Variants in OPLAH observed in about 807,000 individuals in gnomAD.
The protein encoded by OPLAH is 5-oxoprolinase.
In OPLAH, 103 loss-of-function variants were observed where a neutral mutation model predicts 122.8. The observed-to-expected ratio is 0.84, with a 90% CI of 0.71 to 0.99. The LOEUF (loss-of-function observed/expected upper bound fraction) is 0.99, where lower values mean the gene tolerates loss of function less well. OPLAH is among the 50% of genes least tolerant of loss of function. The pLI, the probability that OPLAH is intolerant of heterozygous loss-of-function variation, is 0.00. For missense variants in OPLAH, 1,902 were observed against 1,836.5 expected, an observed-to-expected ratio of 1.04 and a Z score of -0.65; for synonymous variants, 875 against 796.0, an observed-to-expected ratio of 1.10 and a Z score of -1.67.
At chr8:144,060,161 G>T (rs924101217) in intron 1 of OPLAH, 76 bp from the exon 2 acceptor site, 2 of 1,066,006 alleles carry the variant, frequency 1.9e-6, no homozygotes, top group Non-Finnish European at 2.6e-6. Flanking sequence ...CATGCGGGGG[G>T]TTCCTGAGGG....
chr8:144,055,876 G>A lies in OPLAH; in HGVS notation c.2160C>T (p.Ser720=), dbSNP rs373638784. 1.9e-4 allele frequency: 303 copies of A among 1,583,898 alleles called. 1 individual carries two copies. Among genetic ancestry groups the A allele is most frequent in the Non-Finnish European group, 2.2e-4 (262 of 1,165,518 alleles). Residue 720 remains serine, a synonymous_variant, in exon 16 of 27, where the codon TCC becomes TCT. Transcript: ENST00000618853. The surrounding 1 kb of genome is among the most constrained non-coding windows in gnomAD (Gnocchi z 6.5). ...CTGTGCCGGGGACTTCGGCCCCCAC[G>A]GAGATGCAGATGTCCCCTGTCTTGG... The part of the protein sequence containing the change: ...EVTKTGDICI[S]VGAEVPGTVG...
intron 1 of OPLAH, among the ~76,000 whole-genome samples, chr8:144,060,345 G>A (rs912269238): frequency 1.3e-5 from 2 of 152,236 alleles, no homozygotes; most frequent in Non-Finnish European, 2.9e-5. Flanking sequence ...GAGCAGGCAC[G>A]GGAGGTGGGG....
rs2129851622 is a variant in OPLAH, at chr8:144,060,090, A to G, written c.-53-5T>C. 3 of 1,556,000 alleles carry G rather than the reference A, an allele frequency of 1.9e-6. No homozygotes were observed. The highest frequency in any genetic ancestry group is 2.3e-5 in the South Asian group (2 of 85,258). ...CAGCTGGTAGCCCTGGAAAAACTGG[A>G]CGGAGGCGGGGTCAGCCCGGGCTCA... On this transcript the variant is annotated splice_region_variant and splice_polypyrimidine_tract_variant and intron_variant, in intron 1 of 26. Coordinates refer to ENST00000618853, the MANE Select transcript of OPLAH (RefSeq NM_017570.5).
In OPLAH at chr8:144,052,612, G is replaced by A. The variant is rs558106669; in HGVS notation, c.3154-14C>T. 3 of 1,583,662 alleles carry A rather than the reference G, an allele frequency of 1.9e-6. No individual in the cohort carries two copies. The highest frequency in any genetic ancestry group is 2.3e-5 in the South Asian group (2 of 88,598). Reference sequence around the variant, plus strand: ...CGCCAGGCAGCCCTGTGCGGGGCGGGCGGCTCTCAGGAGCTCTTGGGGTGG... The same window carrying A: ...CGCCAGGCAGCCCTGTGCGGGGCGGACGGCTCTCAGGAGCTCTTGGGGTGG... On this transcript the variant is annotated splice_polypyrimidine_tract_variant and intron_variant, in intron 22 of 26. Transcript: ENST00000618853.
intron 19 of OPLAH, among the ~76,000 whole-genome samples, chr8:144,054,196 C>A (rs1835454031): frequency 6.6e-6 from 1 of 151,950 alleles, no homozygotes; most frequent in Non-Finnish European, 1.5e-5. Context: ...TCTACAGGGG[C>A]CTTTGGGCCC....
chr8:144,050,429 G>A, downstream of OPLAH: 1 of 985,664 alleles, frequency 1.0e-6, no homozygotes, highest in Non-Finnish European at 1.2e-6. Context: ...GTGCTCCTGG[G>A]CGACCTAAAC....
upstream of OPLAH, among the ~76,000 whole-genome samples, chr8:144,061,794 G>A (rs11996522): frequency 0.14 from 20,942 of 152,184 alleles, 2,368 homozygotes; most frequent in African/African-American, 0.31. Context: ...AGACCGAGGC[G>A]TGTGGATCAT....
intron 3 of OPLAH, among the ~76,000 whole-genome samples, 152 bp from the exon 4 acceptor site, chr8:144,059,231 C>G (rs1446773398): frequency 2.0e-5 from 3 of 152,192 alleles, no homozygotes; most frequent in African/African-American, 7.2e-5. Flanking sequence ...CAAGGCTCAC[C>G]AAGGGGGCAG....
chr8:144,053,051 C>A lies in OPLAH; in HGVS notation c.2950G>T (p.Val984Leu). ...TCGTCCATGTGGTCTTCCGAGGACA[C>A]CTCCAGGGGCAGGCCCCGGGCCTGC... ...SRQARGLPLE[V>L]SSEDHMDDGS... Residue 984 changes from valine to leucine, a missense_variant, in exon 21 of 27, where the codon GTG (valine) becomes TTG (leucine). This residue lies in a region of OPLAH where 1,726 missense variants were observed against 1,642.1 expected (regional missense o/e 1.05). Coordinates refer to ENST00000618853, the MANE Select transcript of OPLAH (RefSeq NM_017570.5). 6.2e-7 allele frequency: 1 copy of A among 1,602,784 alleles called. No homozygotes were observed. The highest frequency in any genetic ancestry group is 8.5e-7 in the Non-Finnish European group (1 of 1,175,866).
Position 144,055,177 on chromosome 8 carries a change from C to G in OPLAH, c.2261G>C (p.Arg754Pro). ...GGAGATGGCTGTGCGCTGCAGGATG[C>G]GGCCCATCTGCTCTAGGAGCACAAA... ...RFMSIAEQMG[R>P]ILQRTAISTN... The change falls in exon 17 of 27, where the codon CGC becomes CCC. Residue 754 changes from arginine to proline, a missense_variant. Transcript: ENST00000618853. The surrounding 1 kb of genome is among the most constrained non-coding windows in gnomAD (Gnocchi z 6.5). 1 of 1,541,188 alleles carries G rather than the reference C, an allele frequency of 6.5e-7. No homozygotes were observed. The highest frequency in any genetic ancestry group is 8.7e-7 in the Non-Finnish European group (1 of 1,145,906).
At position 144,053,051 on chromosome 8, in the gene OPLAH, C is replaced by T; in HGVS notation, c.2950G>A (p.Val984Met). Reference protein sequence around the residue: ...SRQARGLPLEVSSEDHMDDGS... With the variant: ...SRQARGLPLEMSSEDHMDDGS... ...TCGTCCATGTGGTCTTCCGAGGACA[C>T]CTCCAGGGGCAGGCCCCGGGCCTGC... The change falls in exon 21 of 27, where the codon GTG (valine) becomes ATG (methionine). Residue 984 changes from valine (V) to methionine (M), a missense_variant. Physicochemically the swap from Val to Met is conservative, Grantham distance 21 (BLOSUM62 1). Around this residue, in one of 3 missense-constraint regions of OPLAH, gnomAD observed 1,726 missense variants for 1,642.1 expected, o/e 1.05. Coordinates refer to ENST00000618853, the MANE Select transcript of OPLAH (RefSeq NM_017570.5). The T allele has an allele frequency of 6.2e-7, 1 of 1,602,784 alleles. No individual in the cohort carries two copies. The highest frequency in any genetic ancestry group is 8.5e-7 in the Non-Finnish European group (1 of 1,175,866).
At position 144,051,303 on chromosome 8, in the gene OPLAH, A is replaced by C. The variant is rs782456216; in HGVS notation, c.*23T>G. ...CTGCGTCCCCAGAACCGGGAGACTT[A>C]AGGCATCTTTATTGCGGGATCCTCA... is the stretch of plus-strand genomic sequence containing the variant. On this transcript the variant is annotated 3_prime_UTR_variant, in exon 27 of 27. Transcript: ENST00000618853. 1 of 1,609,872 alleles carries C rather than the reference A, an allele frequency of 6.2e-7. No homozygotes were observed. The highest frequency in any genetic ancestry group is 1.1e-5 in the South Asian group (1 of 90,998).
chr8:144,057,408 G>A (rs1554759553), intron 10 of OPLAH, 40 bp downstream of exon 10: 3 of 1,589,634 alleles, frequency 1.9e-6, no homozygotes, highest in African/African-American at 1.3e-5. Context: ...AGGGAGCAGG[G>A]CTGGGGGCAG....
downstream of OPLAH, chr8:144,050,929 GC>G: frequency 2.0e-6 from 2 of 1,018,888 alleles, no homozygotes; most frequent in South Asian, 3.9e-5. Flanking sequence ...TGATGACACC[GC>G]CCCCCTACCA....
downstream of OPLAH, chr8:144,050,816 T>G: frequency 2.0e-6 from 2 of 989,830 alleles, no homozygotes; most frequent in Non-Finnish European, 2.4e-6. Context: ...AGCACCTCCG[T>G]GCTCCACCAG....
Position 144,055,589 on chromosome 8 carries a change from C to T in OPLAH, c.2248+199G>A, listed in dbSNP as rs558815664. Among the ~76,000 whole-genome samples the T allele has an allele frequency of 2.0e-5, 3 of 152,280 alleles. No homozygotes were observed. Among genetic ancestry groups the T allele is most frequent in the South Asian group, 2.1e-4 (1 of 4,832 alleles). ...GGGCACTCTCTGGATCACATGGCTG[C>T]AGGTAAGGGGGGAAGGTGTCCTCCC... is the stretch of plus-strand genomic sequence containing the variant. On this transcript the variant is annotated intron_variant, in intron 16 of 26. Transcript: ENST00000618853. This position sits in a 1 kb window ranked among gnomAD's most constrained non-coding sequence, Gnocchi z 6.5.
intron 14 of OPLAH, 33 bp downstream of exon 14, chr8:144,056,352 T>G (rs1835513754): frequency 1.3e-6 from 2 of 1,595,478 alleles, no homozygotes; most frequent in African/African-American, 1.3e-5. Context: ...GCCCCATGGG[T>G]GCTGTCAGGC....
At chr8:144,059,527 T>A (rs1835615493) in intron 3 of OPLAH, 72 bp downstream of exon 3, 1 of 1,455,878 alleles carries the variant, frequency 6.9e-7, no homozygotes, top group Non-Finnish European at 9.3e-7. Flanking sequence ...ACAACTGCTC[T>A]CCCCACAGGG....
Position 144,059,942 on chromosome 8 carries a change from G to T in OPLAH, c.91C>A (p.Arg31=). ...TCCTCTGAGAGCAGTTTTAAGACCCGCACGTGCCCCCCTGGGCACTGGGCA... is the reference window on the plus strand; with the variant it reads ...TCCTCTGAGAGCAGTTTTAAGACCCTCACGTGCCCCCCTGGGCACTGGGCA... ...VFAQCPGGHV[R]VLKLLSEDPA... Residue 31 remains arginine, a synonymous_variant, in exon 2 of 27, where the codon CGG becomes AGG. Coordinates refer to ENST00000618853, the MANE Select transcript of OPLAH (RefSeq NM_017570.5). 6.2e-7 allele frequency: 1 copy of T among 1,612,780 alleles called. No homozygotes were observed. The highest frequency in any genetic ancestry group is 8.5e-7 in the Non-Finnish European group (1 of 1,179,844).
Sources: allele counts gnomAD v4.1 joint callset (sites outside exome capture counted in the v4.1 genomes callset), GRCh38; gene constraint gnomAD v4.1.1; regional missense constraint gnomAD v4.1.1; non-coding constraint Gnocchi (gnomAD v3.1); transcripts MANE v1.5; gene names NCBI Gene and HGNC (gene_info 2026-07-23, HGNC 2026-07-21).